Variants in NELL1 observed in about 807,000 individuals in gnomAD.
NELL1 encodes protein kinase C-binding protein NELL1.
NELL1 carries 76 observed loss-of-function variants against 107.4 expected under a neutral mutation model. The ratio of observed to expected loss-of-function variants is 0.71; its 90% confidence interval spans 0.59 to 0.86. The LOEUF is 0.86. NELL1 is among the 40% of genes least tolerant of loss of function. The pLI is 0.00. For missense variants in NELL1, 1,024 were observed against 1,005.5 expected (o/e 1.02, Z -0.25); for synonymous variants, 353 against 341.2 (o/e 1.03, Z -0.38).
intron 15 of NELL1, among the ~76,000 whole-genome samples, chr11:21,528,899 T>C (rs1398262782): frequency 6.6e-6 from 1 of 152,138 alleles, no homozygotes; most frequent in African/African-American, 2.4e-5. Context: ...CTGTGATTAG[T>C]GCTGGGTTTT....
chr11:20,900,825 A>G (rs1849856810), intron 5 of NELL1, among the ~76,000 whole-genome samples: 1 of 152,076 alleles, frequency 6.6e-6, no homozygotes, highest in Non-Finnish European at 1.5e-5. Flanking sequence ...ATTTGTTTTT[A>G]TCTTCAGAAA....
At chr11:21,179,807 T>C (rs1565098518) in intron 13 of NELL1, among the ~76,000 whole-genome samples, 2 of 149,116 alleles carry the variant, frequency 1.3e-5, no homozygotes. Context: ...ATTTATGTTT[T>C]TAACCAAAAT....
chr11:21,362,501 C>T (rs751098543), intron 14 of NELL1, among the ~76,000 whole-genome samples: 7 of 152,174 alleles, frequency 4.6e-5, no homozygotes, highest in Non-Finnish European at 7.3e-5. Context: ...GTCACATAGA[C>T]ACCCTTACGA....
At chr11:20,883,961 A>C (rs1214087598) in intron 4 of NELL1, among the ~76,000 whole-genome samples, 3 of 152,234 alleles carry the variant, frequency 2.0e-5, no homozygotes, top group Non-Finnish European at 4.4e-5. Flanking sequence ...AGATACAAAA[A>C]AGGTTAGATT....
intron 15 of NELL1, among the ~76,000 whole-genome samples, chr11:21,500,415 A>G (rs1295366699): frequency 1.3e-5 from 2 of 152,106 alleles, no homozygotes; most frequent in African/African-American, 4.8e-5. Flanking sequence ...TATGAGATCT[A>G]ATGATTATGT....
At chr11:21,318,574 A>G (rs1351441913) in intron 14 of NELL1, among the ~76,000 whole-genome samples, 1 of 152,008 alleles carries the variant, frequency 6.6e-6, no homozygotes. Context: ...CCCTCATAAT[A>G]CCTCTATTTT....
At chr11:21,039,892 C>T (rs1452671400) in intron 12 of NELL1, among the ~76,000 whole-genome samples, 1 of 152,070 alleles carries the variant, frequency 6.6e-6, no homozygotes, top group African/African-American at 2.4e-5. Flanking sequence ...TTACAAAGCC[C>T]TCTTTTGAAG....
At chr11:21,151,348 G>T (rs1856112732) in intron 13 of NELL1, among the ~76,000 whole-genome samples, 1 of 152,168 alleles carries the variant, frequency 6.6e-6, no homozygotes, top group African/African-American at 2.4e-5. Context: ...TCATAAAGCA[G>T]CATGAAGGTG....
intron 15 of NELL1, among the ~76,000 whole-genome samples, chr11:21,389,424 T>C (rs1851817371): frequency 6.6e-6 from 1 of 151,878 alleles, no homozygotes; most frequent in South Asian, 2.1e-4. Context: ...AGAATCATTA[T>C]TCAGTAAAAC....
chr11:21,168,268 C>G (rs1373041436), intron 13 of NELL1, among the ~76,000 whole-genome samples: 1 of 151,832 alleles, frequency 6.6e-6, no homozygotes, highest in Admixed American at 6.6e-5. Flanking sequence ...TTACTATCTC[C>G]TCCAGGCATT....
intron 15 of NELL1, among the ~76,000 whole-genome samples, chr11:21,404,007 C>CT (rs202175981): frequency 3.1e-5 from 3 of 96,400 alleles, no homozygotes; most frequent in Non-Finnish European, 6.3e-5. Context: ...ATTCCTGAAC[C>CT]CCCCCCCCCG....
rs553709414 is a variant in NELL1, at chr11:21,261,416, T to G, written c.1549+31962T>G. Reference sequence around the variant, plus strand: ...ACATGTCCTGTTGCTTTAGTTTTATTTCTTTTATTATTTAGATGGACCTAA... The same window carrying G: ...ACATGTCCTGTTGCTTTAGTTTTATGTCTTTTATTATTTAGATGGACCTAA... On this transcript the variant is annotated intron_variant, in intron 14 of 19. Transcript: ENST00000357134. Among the ~76,000 whole-genome samples, 3 of 151,892 alleles carry G rather than the reference T, an allele frequency of 2.0e-5. No individual in the cohort carries two copies. In the East Asian group the frequency reaches 5.8e-4, roughly 30 times the overall value.
chr11:20,931,351 T>C (rs1191550995), intron 9 of NELL1, among the ~76,000 whole-genome samples: 1 of 152,204 alleles, frequency 6.6e-6, no homozygotes, highest in African/African-American at 2.4e-5. Context: ...TGAGGATTGC[T>C]AGAGCAGAGT....
intron 15 of NELL1, among the ~76,000 whole-genome samples, chr11:21,483,382 A>G (rs1450226272): frequency 6.6e-6 from 1 of 152,124 alleles, no homozygotes; most frequent in Non-Finnish European, 1.5e-5. Flanking sequence ...TGTTTGCAGT[A>G]CCTGTCAATA....
intron 2 of NELL1, among the ~76,000 whole-genome samples, chr11:20,761,457 C>T (rs1429796): frequency 0.016 from 2,461 of 152,288 alleles, 27 homozygotes; most frequent in Admixed American, 0.022. Context: ...ATACAACATA[C>T]GCTTCAAGCT....
intron 15 of NELL1, among the ~76,000 whole-genome samples, chr11:21,483,880 CACACAT>C (rs1564917043): frequency 7.1e-6 from 1 of 141,584 alleles, no homozygotes; most frequent in Non-Finnish European, 1.5e-5. Context: ...CACACACACA[CACACAT>C]ATATATATAT....
chr11:21,084,270 A>G (rs939000721), intron 12 of NELL1, among the ~76,000 whole-genome samples: 1 of 152,140 alleles, frequency 6.6e-6, no homozygotes, highest in African/African-American at 2.4e-5. Context: ...TAGTTTATGT[A>G]TGCATCATCT....
At chr11:20,822,524 G>A (rs1857780440) in intron 3 of NELL1, among the ~76,000 whole-genome samples, 1 of 152,178 alleles carries the variant, frequency 6.6e-6, no homozygotes, top group African/African-American at 2.4e-5. Flanking sequence ...CCCAGGGCCT[G>A]CAGGTGTGGG....
chr11:21,287,067 C>A (rs1849138937), intron 14 of NELL1, among the ~76,000 whole-genome samples: 1 of 152,156 alleles, frequency 6.6e-6, no homozygotes, highest in Non-Finnish European at 1.5e-5. Flanking sequence ...ACAGAATATA[C>A]CATTCTAAAA....
Sources: allele counts gnomAD v4.1 joint callset (sites outside exome capture counted in the v4.1 genomes callset), GRCh38; gene constraint gnomAD v4.1.1; transcripts MANE v1.5; gene names NCBI Gene and HGNC (gene_info 2026-07-23, HGNC 2026-07-21).